Variants in NEXN observed in about 807,000 individuals in gnomAD.
NEXN encodes nexilin.
Under a neutral mutation model 92.6 loss-of-function variants are expected in NEXN, and 65 were observed. That is an observed-to-expected ratio of 0.70 (90% CI 0.57 to 0.86). NEXN has a LOEUF of 0.86. NEXN is among the 40% of genes least tolerant of loss of function. NEXN has a pLI of 0.00. For synonymous variants in NEXN, 254 were observed against 242.5 expected (o/e 1.05, Z -0.44); for missense variants, 778 against 771.1 (o/e 1.01, Z -0.11).
intron 1 of NEXN, among the ~76,000 whole-genome samples, chr1:77,900,597 G>A (rs928531959): frequency 6.6e-6 from 1 of 152,090 alleles, no homozygotes; most frequent in Non-Finnish European, 1.5e-5. Context: ...TTGATAAATT[G>A]TGTATGGGTT....
intron 9 of NEXN, among the ~76,000 whole-genome samples, chr1:77,931,412 CAAAAAAAAAAAAAAA>C (rs138490881): frequency 3.5e-5 from 2 of 57,566 alleles, no homozygotes; most frequent in Non-Finnish European, 5.7e-5. Context: ...GACTCCGTCT[CAAAAAAAAAAAAAAA>C]AAAAAAAAAA....
chr1:77,942,959 T>C lies in NEXN; in HGVS notation c.*130T>C. ...AACTTTCTCTTTCACTCCAACTTTCTTACTACATCCATCTTTTCTGTGGCG... is the reference window on the plus strand; with the variant it reads ...AACTTTCTCTTTCACTCCAACTTTCCTACTACATCCATCTTTTCTGTGGCG... On this transcript the variant is annotated 3_prime_UTR_variant, in exon 13 of 13. Coordinates refer to ENST00000334785, the MANE Select transcript of NEXN (RefSeq NM_144573.4). 1 of 1,274,584 alleles carries C rather than the reference T, an allele frequency of 7.8e-7. No homozygotes were observed. The highest frequency in any genetic ancestry group is 1.1e-6 in the Non-Finnish European group (1 of 902,184). 79.0% of individuals were successfully genotyped at this position (1,274,584 alleles called of 1,614,324 possible). A position where few individuals can be genotyped will look rare whatever the true frequency, so the allele number is the denominator to read the frequency against.
At chr1:77,893,619 T>G (rs1647156045) in intron 1 of NEXN, among the ~76,000 whole-genome samples, 1 of 152,178 alleles carries the variant, frequency 6.6e-6, no homozygotes. Context: ...CTAGCTCAAA[T>G]ACGAATAGAG....
In NEXN at chr1:77,942,011, A is replaced by G; in HGVS notation, c.1474-12A>G. 1 of 1,610,684 alleles carries G rather than the reference A, an allele frequency of 6.2e-7. No individual in the cohort carries two copies. Among genetic ancestry groups the G allele is most frequent in the Non-Finnish European group, 8.5e-7 (1 of 1,177,958 alleles). The stretch of plus-strand genomic sequence containing the variant: ...GGCAAGCAATTGTTAATCTTGGCCC[A>G]CTTTCTTGCAGGAAGATGATGTTGA... On this transcript the variant is annotated splice_polypyrimidine_tract_variant and intron_variant, in intron 11 of 12. Transcript: ENST00000334785.
intron 8 of NEXN, 147 bp from the exon 9 acceptor site, chr1:77,929,169 A>G (rs888614182): frequency 9.8e-6 from 6 of 609,884 alleles, no homozygotes; most frequent in Middle Eastern, 4.4e-4. Flanking sequence ...CATAGAAGAC[A>G]TTAAAAAGGA....
Position 77,943,143 on chromosome 1 carries a change from A to C in NEXN, c.*314A>C, listed in dbSNP as rs78105746. 954 of 354,914 alleles carry C rather than the reference A, an allele frequency of 2.7e-3. 8 individuals are homozygous for C. Among genetic ancestry groups the C allele is most frequent in the African/African-American group, 0.019 (913 of 47,206 alleles). The allele number at this position is 354,914 out of a possible 1,614,324, so 22.0% of individuals were successfully genotyped here. ...CAGTAACAGTCAATAAAATGTACTT[A>C]TGGGGGGGAATTACTCAATTATTCT... On this transcript the variant is annotated 3_prime_UTR_variant, in exon 13 of 13. Transcript: ENST00000334785.
At chr1:77,892,370 A>G (rs1647128778) in intron 1 of NEXN, among the ~76,000 whole-genome samples, 1 of 152,182 alleles carries the variant, frequency 6.6e-6, no homozygotes, top group African/African-American at 2.4e-5. Context: ...GGAACAATAT[A>G]CTGGAACTAA....
intron 9 of NEXN, among the ~76,000 whole-genome samples, chr1:77,930,319 G>A (rs1186719885): frequency 1.3e-5 from 2 of 152,182 alleles, no homozygotes; most frequent in South Asian, 2.1e-4. Flanking sequence ...TGTCCAACCA[G>A]TCACTAAGTC....
chr1:77,928,179 G>A (rs1304508198), intron 8 of NEXN, among the ~76,000 whole-genome samples: 1 of 151,814 alleles, frequency 6.6e-6, no homozygotes, highest in Non-Finnish European at 1.5e-5. Context: ...AGGTGTGGTG[G>A]CACAGACCTG....
rs1217727550 is a variant in NEXN at position 77,942,210 on chromosome 1, T to C, written c.1659+2T>C. On this transcript the variant is annotated splice_donor_variant, in intron 12 of 12. Coordinates refer to ENST00000334785, the MANE Select transcript of NEXN (RefSeq NM_144573.4). LOFTEE classifies it high-confidence loss of function. ...GAAATTGATGCAGCACTACAAAAGG[T>C]ACCAGGCTTATGTATCCTTTATTTT... is the stretch of plus-strand genomic sequence containing the variant. 1 of 1,612,544 alleles carries C rather than the reference T, an allele frequency of 6.2e-7. No individual in the cohort carries two copies. The highest frequency in any genetic ancestry group is 8.5e-7 in the Non-Finnish European group (1 of 1,178,662).
chr1:77,931,604 G>C (rs1039051930), intron 9 of NEXN: 4 of 152,066 alleles, frequency 2.6e-5, no homozygotes, highest in African/African-American at 9.7e-5. Flanking sequence ...TTTCTAAAGA[G>C]AAGAGAGAAA....
chr1:77,942,347 G>T, intron 12 of NEXN, 114 bp from the exon 13 acceptor site: 1 of 1,358,992 alleles, frequency 7.4e-7, no homozygotes, highest in Non-Finnish European at 1.0e-6. Flanking sequence ...CTTTGTAGTA[G>T]GCACACTTGT....
At position 77,912,851 on chromosome 1, in the gene NEXN, T is replaced by C. The variant is rs527253455; in HGVS notation, c.-52-3204T>C. On this transcript the variant is annotated intron_variant, in intron 1 of 12. Transcript: ENST00000334785. ...ACTATAAAACTCCTAGAAGAAAACA[T>C]AGACAGAAATCTAGATGACCTCAGA... 3.2e-4 allele frequency among the ~76,000 whole-genome samples: 49 copies of C among 152,168 alleles called. No individual in the cohort carries two copies. The South Asian group carries it at 8.7e-3, about 27-fold the overall frequency.
chr1:77,935,307 G>A (rs1328592703), intron 10 of NEXN, among the ~76,000 whole-genome samples: 2 of 152,054 alleles, frequency 1.3e-5, no homozygotes, highest in Non-Finnish European at 2.9e-5. Flanking sequence ...CTAAGTGCTG[G>A]GATTACAGGC....
chr1:77,921,289 T>C (rs575446073), intron 5 of NEXN, among the ~76,000 whole-genome samples: 6 of 152,034 alleles, frequency 3.9e-5, no homozygotes, highest in East Asian at 1.9e-4. Context: ...AGGTTCATGA[T>C]CAGGCCACTG....
At position 77,935,896 on chromosome 1, in the gene NEXN, C is replaced by G. The variant is rs1162083420; in HGVS notation, c.1325C>G (p.Ser442Cys). ...CTGATCAAATTAAAAAGGAGTGGCT[C>G]TATTCAAGCTAAAAACCTAAAAAGC... The part of the protein sequence containing the change: ...EELIKLKRSG[S>C]IQAKNLKSKF... Residue 442 changes from serine (S) to cysteine (C), a missense_variant, in exon 11 of 13, where the codon TCT becomes TGT. This residue lies in a region of NEXN where 532 missense variants were observed against 476.7 expected (regional missense o/e 1.12). Transcript: ENST00000334785. The G allele has an allele frequency of 1.2e-6, 2 of 1,613,686 alleles. No homozygotes were observed. Among genetic ancestry groups the G allele is most frequent in the East Asian group, 4.5e-5 (2 of 44,860 alleles).
intron 8 of NEXN, among the ~76,000 whole-genome samples, chr1:77,927,614 G>T (rs147785566): frequency 0.016 from 2,357 of 151,368 alleles, 54 homozygotes; most frequent in African/African-American, 0.054. Context: ...GTGTGTGTGT[G>T]TGTGTGTGTG....
In NEXN at chr1:77,917,761, A is replaced by G; in HGVS notation, c.219+4A>G. 6.3e-7 allele frequency: 1 copy of G among 1,598,582 alleles called. No individual in the cohort carries two copies. The highest frequency in any genetic ancestry group is 8.6e-7 in the Non-Finnish European group (1 of 1,166,834). On this transcript the variant is annotated splice_donor_region_variant and intron_variant, in intron 3 of 12. Coordinates refer to ENST00000334785, the MANE Select transcript of NEXN (RefSeq NM_144573.4). Reference sequence around the variant, plus strand: ...ATGGAACAGGAGAAAGCAGGAGGTTATTTTATTTTACTTTATTCTCGTGAA... The same window carrying G: ...ATGGAACAGGAGAAAGCAGGAGGTTGTTTTATTTTACTTTATTCTCGTGAA...
intron 11 of NEXN, among the ~76,000 whole-genome samples, chr1:77,937,853 T>C (rs1318308267): frequency 1.3e-5 from 2 of 152,104 alleles, no homozygotes; most frequent in African/African-American, 2.4e-5. Flanking sequence ...AAAACAATTA[T>C]CAGGTGGTTA....
Sources: allele counts gnomAD v4.1 joint callset (sites outside exome capture counted in the v4.1 genomes callset), GRCh38; gene constraint gnomAD v4.1.1; regional missense constraint gnomAD v4.1.1; transcripts MANE v1.5; gene names NCBI Gene and HGNC (gene_info 2026-07-23, HGNC 2026-07-21).